MDGA2: variants seen among roughly 807,000 people sequenced by gnomAD.
MDGA2 encodes the protein MAM domain containing glycosylphosphatidylinositol anchor 2, also known as MAM domain-containing glycosylphosphatidylinositol anchor protein 2.
MDGA2 carries 40 observed loss-of-function variants against 117.8 expected under a neutral mutation model. The ratio of observed to expected loss-of-function variants is 0.34; its 90% CI spans 0.26 to 0.44. The LOEUF is 0.44. MDGA2 is among the 20% of genes least tolerant of loss of function. The pLI is 1.00. For synonymous variants in MDGA2, 452 were observed against 439.0 expected, an observed-to-expected ratio of 1.03 and a Z score of -0.37; for missense variants, 1,123 against 1,250.6, an observed-to-expected ratio of 0.90 and a Z score of 1.54.
intron 2 of MDGA2, among the ~76,000 whole-genome samples, chr14:47,222,884 C>T (rs1432137397): frequency 6.6e-6 from 1 of 151,996 alleles, no homozygotes; most frequent in Non-Finnish European, 1.5e-5. Context: ...AATAGAAAAC[C>T]ATTTCATACT....
intron 15 of MDGA2, 41 bp downstream of exon 15, chr14:46,854,983 C>A: frequency 6.6e-7 from 1 of 1,506,670 alleles, no homozygotes; most frequent in Non-Finnish European, 9.0e-7. Flanking sequence ...TAATATTATG[C>A]TCATTTACAG....
chr14:47,630,749 A>T (rs1897239972), intron 1 of MDGA2, among the ~76,000 whole-genome samples: 1 of 152,206 alleles, frequency 6.6e-6, no homozygotes, highest in African/African-American at 2.4e-5. Context: ...AAGTCAATAC[A>T]ACTATCCCAA....
At chr14:47,159,783 C>G (rs1883555783) in intron 3 of MDGA2, among the ~76,000 whole-genome samples, 1 of 151,988 alleles carries the variant, frequency 6.6e-6, no homozygotes, top group Admixed American at 6.6e-5. Context: ...GATCCTTTGT[C>G]TATTTTTATC....
intron 1 of MDGA2, among the ~76,000 whole-genome samples, chr14:47,507,256 T>C (rs1894532501): frequency 6.6e-6 from 1 of 152,064 alleles, no homozygotes; most frequent in Non-Finnish European, 1.5e-5. Flanking sequence ...TGGAGACTGG[T>C]TACTTTCAAA....
intron 3 of MDGA2, among the ~76,000 whole-genome samples, chr14:47,164,121 T>A (rs1883761518): frequency 6.6e-6 from 1 of 152,242 alleles, no homozygotes; most frequent in South Asian, 2.1e-4. Flanking sequence ...AATCAGCCAA[T>A]TTTGAAATCT....
chr14:47,307,258 G>T (rs1889482895), intron 1 of MDGA2, among the ~76,000 whole-genome samples: 1 of 152,054 alleles, frequency 6.6e-6, no homozygotes, highest in African/African-American at 2.4e-5. Context: ...TTTTCACAAT[G>T]ATATTCTAAA....
intron 1 of MDGA2, among the ~76,000 whole-genome samples, chr14:47,429,638 T>C (rs1332915144): frequency 6.6e-6 from 1 of 152,152 alleles, no homozygotes; most frequent in Non-Finnish European, 1.5e-5. Context: ...TGCTTTTTCA[T>C]GCAAATGCTT....
intron 1 of MDGA2, among the ~76,000 whole-genome samples, chr14:47,578,344 C>T (rs571705057): frequency 6.6e-6 from 1 of 152,178 alleles, no homozygotes; most frequent in African/African-American, 2.4e-5. Context: ...AGGCCCAGCA[C>T]ACCATTGCAC....
At chr14:46,990,866 C>CCACACA (rs201132208) in intron 8 of MDGA2, among the ~76,000 whole-genome samples, 3 of 140,898 alleles carry the variant, frequency 2.1e-5, no homozygotes, top group Non-Finnish European at 3.1e-5. Context: ...ACACACACAC[C>CCACACA]CACACACACA....
intron 8 of MDGA2, among the ~76,000 whole-genome samples, chr14:47,031,141 A>G (rs542445933): frequency 1.9e-4 from 29 of 151,932 alleles, no homozygotes; most frequent in African/African-American, 6.5e-4. Flanking sequence ...ACATAACATT[A>G]GCTAAGAATA....
intron 1 of MDGA2, among the ~76,000 whole-genome samples, chr14:47,532,722 T>C (rs548714991): frequency 6.6e-5 from 10 of 152,338 alleles, no homozygotes; most frequent in African/African-American, 2.4e-4. Flanking sequence ...CAGTTAAAAC[T>C]TTTTATTGCT....
chr14:47,524,314 TTAA>T (rs2138719265), intron 1 of MDGA2, among the ~76,000 whole-genome samples: 1 of 152,296 alleles, frequency 6.6e-6, no homozygotes, highest in East Asian at 1.9e-4. Context: ...AAAATTACTA[TTAA>T]TAACATCTTT....
intron 2 of MDGA2, among the ~76,000 whole-genome samples, chr14:47,269,083 C>G (rs1159290680): frequency 6.6e-6 from 1 of 152,054 alleles, no homozygotes; most frequent in Non-Finnish European, 1.5e-5. Flanking sequence ...AATGGTAGGA[C>G]TTGGCATTTA....
At chr14:46,928,108 GA>G (rs1252293291) in intron 9 of MDGA2, among the ~76,000 whole-genome samples, 2 of 151,852 alleles carry the variant, frequency 1.3e-5, no homozygotes, top group African/African-American at 2.4e-5. Context: ...TAAATCTGCT[GA>G]AAAAATAAAT....
chr14:47,043,762 G>T (rs1889159768), intron 7 of MDGA2, among the ~76,000 whole-genome samples: 1 of 152,038 alleles, frequency 6.6e-6, no homozygotes, highest in South Asian at 2.1e-4. Flanking sequence ...CTTTTCAACT[G>T]CTTAACATAC....
At chr14:47,347,017 C>T (rs1890776837) in intron 1 of MDGA2, among the ~76,000 whole-genome samples, 1 of 152,078 alleles carries the variant, frequency 6.6e-6, no homozygotes, top group African/African-American at 2.4e-5. Flanking sequence ...GGGGAGTGCA[C>T]CACAAACACA....
rs759680429 is a variant in MDGA2, at chr14:46,877,469, G to T, written c.2437+20C>A. On this transcript the variant is annotated intron_variant, in intron 12 of 16. Coordinates refer to ENST00000399232, the MANE Select transcript of MDGA2 (RefSeq NM_001113498.3). Reference sequence around the variant, plus strand: ...TATTTATTAAATATAGTGCCATTTTGTAAGTTAAAATATACTTACTCAAAT... The same window carrying T: ...TATTTATTAAATATAGTGCCATTTTTTAAGTTAAAATATACTTACTCAAAT... 19 of 1,361,858 alleles carry T rather than the reference G, an allele frequency of 1.4e-5. No individual in the cohort carries two copies. In the Admixed American group the frequency reaches 2.9e-4, roughly 21 times the overall value. 84.4% of individuals were successfully genotyped at this position (1,361,858 alleles called of 1,614,324 possible).
intron 3 of MDGA2, among the ~76,000 whole-genome samples, chr14:47,181,469 CTT>C (rs1384873715): frequency 4.7e-5 from 7 of 149,536 alleles, no homozygotes; most frequent in African/African-American, 1.7e-4. Context: ...AGATCATGTC[CTT>C]TGCAGGGACA....
chr14:47,054,607 A>G (rs949086839), intron 7 of MDGA2, among the ~76,000 whole-genome samples: 2 of 151,762 alleles, frequency 1.3e-5, no homozygotes, highest in African/African-American at 4.8e-5. Context: ...AGAATGATGT[A>G]CAAGGCTACA....
Sources: allele counts gnomAD v4.1 joint callset (sites outside exome capture counted in the v4.1 genomes callset), GRCh38; gene constraint gnomAD v4.1.1; transcripts MANE v1.5; gene names NCBI Gene and HGNC (gene_info 2026-07-23, HGNC 2026-07-21).